PCDH15: variants seen among roughly 807,000 people sequenced by gnomAD.
PCDH15 encodes the protein protocadherin-15.
A neutral mutation model predicts 178.5 loss-of-function variants in PCDH15; 129 were observed. The observed-to-expected ratio is 0.72, with a 90% CI of 0.63 to 0.84. The LOEUF (loss-of-function observed/expected upper bound fraction) is 0.84, where lower values mean the gene tolerates loss of function less well. Ranked by LOEUF, PCDH15 falls within the 40% of genes least tolerant of loss-of-function variation. The pLI is 0.00. For synonymous variants in PCDH15, 800 were observed against 732.0 expected (o/e 1.09, Z -1.50); for missense variants, 2,230 against 2,099.9 (o/e 1.06, Z -1.21).
intron 11 of PCDH15, among the ~76,000 whole-genome samples, chr10:54,194,690 ATAT>A (rs367945318): frequency 6.9e-6 from 1 of 145,370 alleles, no homozygotes; most frequent in African/African-American, 2.5e-5. Flanking sequence ...CTATCTATCT[ATAT>A]CTGTATGTGT....
intron 20 of PCDH15, among the ~76,000 whole-genome samples, chr10:54,016,776 A>G (rs887518360): frequency 6.6e-6 from 1 of 152,150 alleles, no homozygotes; most frequent in East Asian, 1.9e-4. Context: ...ACTACCTATA[A>G]GGTACTATGT....
chr10:54,977,202 T>C (rs1839094388), intron 2 of PCDH15, among the ~76,000 whole-genome samples: 1 of 152,090 alleles, frequency 6.6e-6, no homozygotes, highest in Non-Finnish European at 1.5e-5. Context: ...CTGGGTAAAA[T>C]GAGACTGACA....
chr10:54,178,588 A>G (rs991477492), intron 13 of PCDH15, among the ~76,000 whole-genome samples: 1 of 152,044 alleles, frequency 6.6e-6, no homozygotes, highest in African/African-American at 2.4e-5. Flanking sequence ...ATCACAGAAG[A>G]AGGGAAGGAG....
intron 9 of PCDH15, among the ~76,000 whole-genome samples, chr10:54,223,507 G>T (rs2053097614): frequency 2.3e-5 from 1 of 43,944 alleles, no homozygotes; most frequent in Non-Finnish European, 7.9e-5. Context: ...CTGCAATGTT[G>T]GTTGTAAAGA....
chr10:55,524,586 A>T, intron 2 of PCDH15, among the ~76,000 whole-genome samples: 1 of 151,588 alleles, frequency 6.6e-6, no homozygotes, highest in Admixed American at 6.6e-5. Context: ...TTGCATACAT[A>T]TCTTGCAATA....
chr10:54,711,647 T>C (rs551539991), intron 1 of PCDH15, among the ~76,000 whole-genome samples: 2 of 151,962 alleles, frequency 1.3e-5, no homozygotes, highest in Non-Finnish European at 2.9e-5. Flanking sequence ...TTTATGAGTA[T>C]ATTTTTCTGA....
intron 3 of PCDH15, among the ~76,000 whole-genome samples, chr10:54,852,053 A>G (rs1869556): frequency 0.28 from 42,956 of 152,062 alleles, 6,269 homozygotes; most frequent in Middle Eastern, 0.35. Context: ...GCTGCTAATC[A>G]GAAAGGTAGT....
chr10:54,575,859 T>A (rs1239757465), intron 2 of PCDH15, among the ~76,000 whole-genome samples: 1 of 152,196 alleles, frequency 6.6e-6, no homozygotes, highest in East Asian at 1.9e-4. Flanking sequence ...CAGTGACACA[T>A]GTTTTTGTGC....
intron 1 of PCDH15, among the ~76,000 whole-genome samples, chr10:55,253,249 C>CATGT (rs776239870): frequency 4.0e-5 from 6 of 148,952 alleles, no homozygotes; most frequent in Non-Finnish European, 6.0e-5. Flanking sequence ...TGTGTGTGTG[C>CATGT]GTGTGTGTGT....
chr10:54,468,894 G>T (rs1490353686), intron 3 of PCDH15, among the ~76,000 whole-genome samples: 2 of 151,892 alleles, frequency 1.3e-5, no homozygotes, highest in African/African-American at 4.8e-5. Flanking sequence ...CTTTATAATT[G>T]TATAATAACC....
chr10:53,938,117 T>C (rs1231333454), intron 25 of PCDH15, among the ~76,000 whole-genome samples: 1 of 152,166 alleles, frequency 6.6e-6, no homozygotes, highest in Non-Finnish European at 1.5e-5. Flanking sequence ...TCTTTAAATC[T>C]GTGTCAGTTC....
At chr10:55,181,119 G>A (rs117833474) in intron 1 of PCDH15, among the ~76,000 whole-genome samples, 148 of 151,962 alleles carry the variant, frequency 9.7e-4, no homozygotes, top group South Asian at 2.3e-3. Context: ...GAGAATAGAA[G>A]TCTGAGGGAA....
chr10:54,334,308 T>C (rs962714735), intron 6 of PCDH15, among the ~76,000 whole-genome samples: 1 of 152,142 alleles, frequency 6.6e-6, no homozygotes, highest in Non-Finnish European at 1.5e-5. Flanking sequence ...GAGACAGCTG[T>C]AACATCCACG....
chr10:54,144,001 G>C (rs1361768927), intron 14 of PCDH15, among the ~76,000 whole-genome samples: 1 of 152,086 alleles, frequency 6.6e-6, no homozygotes, highest in Non-Finnish European at 1.5e-5. Context: ...TGCACTTTGG[G>C]TGGTTAATCA....
rs1049003566 is a variant in PCDH15 at position 55,106,612 on chromosome 10, C to T, written c.-80+59964G>A. Among the ~76,000 whole-genome samples the T allele has an allele frequency of 4.6e-5, 7 of 152,216 alleles. No individual in the cohort carries two copies. In the South Asian group the frequency reaches 1.5e-3, roughly 32 times the overall value. ...TATACTTCTAATAGAGACGGGGTTTCACCATGTTGGCCAGGCTGGTCTCGA... is the reference window on the plus strand; with the variant it reads ...TATACTTCTAATAGAGACGGGGTTTTACCATGTTGGCCAGGCTGGTCTCGA... On this transcript the variant is annotated intron_variant, in intron 2 of 5. Transcript: ENST00000458638.
intron 25 of PCDH15, 49 bp from the exon 26 acceptor site, chr10:53,903,419 G>A: frequency 1.2e-6 from 2 of 1,600,994 alleles, no homozygotes; most frequent in South Asian, 1.1e-5. Flanking sequence ...ATTCATGGGG[G>A]AAAAAATGCA....
intron 1 of PCDH15, among the ~76,000 whole-genome samples, chr10:55,230,174 TC>T (rs2132196711): frequency 6.6e-6 from 1 of 152,188 alleles, no homozygotes; most frequent in Non-Finnish European, 1.5e-5. Flanking sequence ...AAGCTCATTC[TC>T]CTTCAAAAAG....
intron 11 of PCDH15, among the ~76,000 whole-genome samples, chr10:54,187,069 T>C (rs183993560): frequency 2.3e-4 from 35 of 152,072 alleles, no homozygotes; most frequent in African/African-American, 8.4e-4. Context: ...TTTAAGCACA[T>C]ATACACTTCT....
chr10:55,237,521 AGG>A (rs1271945796), intron 1 of PCDH15, among the ~76,000 whole-genome samples: 1 of 152,152 alleles, frequency 6.6e-6, no homozygotes, highest in East Asian at 1.9e-4. Context: ...TACTGTTAGT[AGG>A]AGAGATTTCA....
Sources: allele counts gnomAD v4.1 joint callset (sites outside exome capture counted in the v4.1 genomes callset), GRCh38; gene constraint gnomAD v4.1.1; transcripts MANE v1.5; gene names NCBI Gene and HGNC (gene_info 2026-07-23, HGNC 2026-07-21).